STON1: variants seen among roughly 807,000 people sequenced by gnomAD.
STON1 encodes stonin-1.
Under a neutral mutation model 60.9 loss-of-function variants are expected in STON1, and 79 were observed. The ratio of observed to expected loss-of-function variants is 1.30; its 90% CI spans 1.08 to 1.56. STON1 has a LOEUF of 1.56. STON1 is among the 40% of genes most tolerant of loss of function. The probability of loss-of-function intolerance (pLI) is 0.00; values close to 1 mark genes in which losing one functional copy is unlikely to be tolerated. For synonymous variants in STON1, 363 were observed against 306.9 expected (o/e 1.18, Z -1.91); for missense variants, 1,166 against 858.9 (o/e 1.36, Z -4.47).
At chr2:48,530,569 C>G (rs1572914754) in intron 1 of STON1, 1 of 154,006 alleles carries the variant, frequency 6.5e-6, no homozygotes, top group Admixed American at 6.5e-5. Context: ...CGCGGCCCCT[C>G]GACCTCTCGG....
Position 48,591,792 on chromosome 2 carries a change from G to A in STON1, c.2070G>A (p.Leu690=), listed in dbSNP as rs1674529328. 3 of 1,614,080 alleles carry A rather than the reference G, an allele frequency of 1.9e-6. No individual in the cohort carries two copies. The highest frequency in any genetic ancestry group is 1.3e-5 in the African/African-American group (1 of 74,946). The change falls in exon 3 of 4, where the codon CTG becomes CTA. Residue 690 remains leucine, a synonymous_variant. Coordinates refer to ENST00000404752, the MANE Select transcript of STON1 (RefSeq NM_006873.4). ...TCASRTEVRS[L]GVESDVQPQK... ...CCTCAAGGACAGAGGTCAGGTCTCTGGGAGTGGAGAGTGATGTCCAGCCAC... is the reference window on the plus strand; with the variant it reads ...CCTCAAGGACAGAGGTCAGGTCTCTAGGAGTGGAGAGTGATGTCCAGCCAC...
At chr2:48,562,978 A>C (rs1294018129) in intron 1 of STON1, among the ~76,000 whole-genome samples, 1 of 152,224 alleles carries the variant, frequency 6.6e-6, no homozygotes, top group Non-Finnish European at 1.5e-5. Flanking sequence ...ATACTTACTC[A>C]AATTGTAGAT....
intron 1 of STON1, among the ~76,000 whole-genome samples, chr2:48,553,700 C>G (rs1026877016): frequency 1.3e-5 from 2 of 152,118 alleles, no homozygotes; most frequent in African/African-American, 4.8e-5. Context: ...GTTGGCCAGG[C>G]TGGTCTTGAA....
chr2:48,595,337 C>A lies in STON1; in HGVS notation c.*35C>A. Reference sequence around the variant, plus strand: ...GAGTTTATGATGACAGCCCACTTGTCAAATATGTAATTCACCGAAACCACA... The same window carrying A: ...GAGTTTATGATGACAGCCCACTTGTAAAATATGTAATTCACCGAAACCACA... On this transcript the variant is annotated 3_prime_UTR_variant, in exon 4 of 4. Transcript: ENST00000404752. The A allele has an allele frequency of 1.9e-6, 3 of 1,569,210 alleles. No individual in the cohort carries two copies. The highest frequency in any genetic ancestry group is 2.2e-5 in the South Asian group (2 of 89,762).
rs1281308767 is a variant in STON1, at chr2:48,595,609, C to G, written c.*307C>G. The stretch of plus-strand genomic sequence containing the variant: ...CCGCAGCCAGTATGATTTTTGATTA[C>G]TCAGTGGCTGACTGTTTTGCTCTCT... On this transcript the variant is annotated 3_prime_UTR_variant, in exon 4 of 4. Transcript: ENST00000404752. 1 of 335,184 alleles carries G rather than the reference C, an allele frequency of 3.0e-6. No homozygotes were observed. Among genetic ancestry groups the G allele is most frequent in the African/African-American group, 2.2e-5 (1 of 45,768 alleles). The allele number at this position is 335,184 out of a possible 1,614,324, so 20.8% of individuals were successfully genotyped here.
chr2:48,591,572 G>T, intron 2 of STON1, 81 bp from the exon 3 acceptor site: 1 of 1,537,732 alleles, frequency 6.5e-7, no homozygotes, highest in Non-Finnish European at 8.8e-7. Context: ...ATTAAGGAGA[G>T]AGATGAGTGC....
chr2:48,572,205 T>C (rs1157984706), intron 1 of STON1, among the ~76,000 whole-genome samples: 1 of 151,766 alleles, frequency 6.6e-6, no homozygotes, highest in Non-Finnish European at 1.5e-5. Flanking sequence ...TAGCAAGAGA[T>C]TGAAGAGGGG....
chr2:48,557,594 T>C (rs1246322271), intron 1 of STON1, among the ~76,000 whole-genome samples: 1 of 110,248 alleles, frequency 9.1e-6, no homozygotes, highest in African/African-American at 3.4e-5. Flanking sequence ...GGCTGGGAGG[T>C]GTAGGTTGTA....
chr2:48,587,964 A>T (rs528429873), intron 2 of STON1, among the ~76,000 whole-genome samples: 1 of 152,282 alleles, frequency 6.6e-6, no homozygotes, highest in South Asian at 2.1e-4. Context: ...TTGAGGGGGT[A>T]GGGAGGGCAA....
chr2:48,558,600 G>A (rs1034023324), intron 1 of STON1, among the ~76,000 whole-genome samples: 1 of 152,210 alleles, frequency 6.6e-6, no homozygotes, highest in Admixed American at 6.5e-5. Flanking sequence ...CTGCTTACTG[G>A]GGTGAATAAA....
At chr2:48,593,889 G>A (rs932005769) in intron 3 of STON1, among the ~76,000 whole-genome samples, 1 of 152,128 alleles carries the variant, frequency 6.6e-6, no homozygotes, top group African/African-American at 2.4e-5. Flanking sequence ...AGCCCCTTCA[G>A]ACCTGAAGGA....
intron 1 of STON1, among the ~76,000 whole-genome samples, chr2:48,544,620 A>C (rs1401267480): frequency 6.6e-6 from 1 of 152,156 alleles, no homozygotes; most frequent in Non-Finnish European, 1.5e-5. Context: ...ATCTTGGCTC[A>C]CTGCAACCTC....
intron 2 of STON1, among the ~76,000 whole-genome samples, chr2:48,584,326 T>A (rs1371505810): frequency 6.6e-6 from 1 of 151,770 alleles, no homozygotes; most frequent in South Asian, 2.1e-4. Flanking sequence ...CAGGCTGGAG[T>A]GCAGTGCGAT....
chr2:48,577,941 C>A (rs574122959), intron 1 of STON1, among the ~76,000 whole-genome samples: 69 of 149,910 alleles, frequency 4.6e-4, no homozygotes, highest in Admixed American at 1.0e-3. Flanking sequence ...AACAAAAAAC[C>A]CCCCAGAGTT....
At chr2:48,568,568 GGAATCGCC>G (rs1225443638) in intron 1 of STON1, among the ~76,000 whole-genome samples, 13 of 152,078 alleles carry the variant, frequency 8.5e-5, no homozygotes, top group African/African-American at 2.9e-4. Flanking sequence ...AGAGAATACT[GGAATCGCC>G]ACTAAAAGAG....
Position 48,581,377 on chromosome 2 carries a change from G to C in STON1, c.744G>C (p.Leu248Phe), listed in dbSNP as rs752065129. Residue 248 changes from leucine to phenylalanine, a missense_variant, in exon 2 of 4, where the codon TTG (leucine) becomes TTC (phenylalanine). Physicochemically the swap from Leu to Phe is conservative, Grantham distance 22. Transcript: ENST00000404752. ...SAENQDSLRS[L>F]SMHCLCAEEN... Reference sequence around the variant, plus strand: ...AGAACCAAGACTCACTTAGAAGTTTGTCTATGCACTGTCTATGTGCTGAAG... The same window carrying C: ...AGAACCAAGACTCACTTAGAAGTTTCTCTATGCACTGTCTATGTGCTGAAG... The C allele has an allele frequency of 6.3e-7, 1 of 1,590,630 alleles. No homozygotes were observed. Among genetic ancestry groups the C allele is most frequent in the Non-Finnish European group, 8.6e-7 (1 of 1,168,210 alleles).
At position 48,564,929 on chromosome 2, in the gene STON1, C is replaced by T. The variant is rs1672870854; in HGVS notation, c.-47-15658C>T. 2.7e-5 allele frequency among the ~76,000 whole-genome samples: 4 copies of T among 147,928 alleles called. No homozygotes were observed. The South Asian group carries it at 8.6e-4, about 32-fold the overall frequency. ...TGTATTTTTAGTAGAGACGGGGTTT[C>T]ACCATGTTGGGCAGGATGGTCTTGA... On this transcript the variant is annotated intron_variant, in intron 1 of 3. Transcript: ENST00000404752.
At chr2:48,561,161 T>A (rs1285422897) in intron 1 of STON1, among the ~76,000 whole-genome samples, 11 of 152,206 alleles carry the variant, frequency 7.2e-5, no homozygotes, top group Admixed American at 6.5e-4. Flanking sequence ...CTGCCTCTTG[T>A]GTCTAGCTTC....
intron 3 of STON1, among the ~76,000 whole-genome samples, chr2:48,593,922 AT>A (rs1472715840): frequency 1.3e-5 from 2 of 152,110 alleles, no homozygotes; most frequent in Non-Finnish European, 2.9e-5. Context: ...GCAGGTGGGA[AT>A]TGCCGCCGCT....
Sources: gnomAD v4.1 joint callset for allele counts (sites outside exome capture counted in the v4.1 genomes callset) on GRCh38, gnomAD v4.1.1 for gene constraint, MANE v1.5 for transcripts, NCBI Gene and HGNC (gene_info 2026-07-23, HGNC 2026-07-21) for gene names.